Variants in CCDC160 observed in about 807,000 individuals in gnomAD.
The protein encoded by CCDC160 is coiled-coil domain-containing protein 160.
For synonymous variants in CCDC160, 94 were observed against 79.4 expected, an observed-to-expected ratio of 1.18 and a Z score of -0.98; for missense variants, 227 against 215.6, an observed-to-expected ratio of 1.05 and a Z score of -0.33.
chrX:134,237,871 A>G (rs2077014970), intron 1 of CCDC160, among the ~76,000 whole-genome samples: 1 of 111,571 alleles, frequency 9.0e-6, no homozygotes, highest in African/African-American at 3.3e-5. Flanking sequence ...AGAACTGGGG[A>G]GTAATAAGCA....
chrX:134,242,260 G>A (rs1375450789), intron 1 of CCDC160, among the ~76,000 whole-genome samples: 1 of 111,346 alleles, frequency 9.0e-6, no homozygotes, highest in African/African-American at 3.3e-5. Flanking sequence ...CTCTTCTTTT[G>A]TGGCCTTTTA....
chrX:134,246,093 A>G (rs1207030209), downstream of CCDC160: 1 of 144,908 alleles, frequency 6.9e-6, no homozygotes. Flanking sequence ...ATTTATGAAT[A>G]CAAATCAGCA....
At chrX:134,245,064 G>T (rs866157840) in exon 2 of CCDC160, 1 of 1,182,921 alleles carries the variant, frequency 8.5e-7, no homozygotes, top group South Asian at 1.9e-5. Flanking sequence ...ACATTTCAAA[G>T]AATGAAACAG....
At chrX:134,242,412 GC>G (rs1475792034) in intron 1 of CCDC160, among the ~76,000 whole-genome samples, 1 of 111,303 alleles carries the variant, frequency 9.0e-6, no homozygotes, top group Non-Finnish European at 1.9e-5. Flanking sequence ...GGGCTGTGTG[GC>G]CTTGGTCAAG....
rs749215004 is a variant in CCDC160, at chrX:134,242,563, A to ATGTG, written c.-24-2214_-24-2213insTGTG. Among the ~76,000 whole-genome samples, 255 of 104,839 alleles carry ATGTG rather than the reference A, an allele frequency of 2.4e-3. 1 individual carries two copies. Among genetic ancestry groups the ATGTG allele is most frequent in the African/African-American group, 8.3e-3 (240 of 28,973 alleles). The allele number at this position is 104,839 out of a possible 115,157, so 91.0% of individuals were successfully genotyped here. A position where few individuals can be genotyped will look rare whatever the true frequency, so the allele number is the denominator to read the frequency against. ...GGGAAGAGAGACAGTGAAAATTAAA[A>ATGTG]AGTGTGTGTGTGTGTGTGTGTGTGC... On this transcript the variant is annotated intron_variant, in intron 1 of 1. Coordinates refer to ENST00000370809, the Ensembl canonical transcript of CCDC160.
At chrX:134,241,548 G>A (rs1164731828) in intron 1 of CCDC160, among the ~76,000 whole-genome samples, 2 of 112,257 alleles carry the variant, frequency 1.8e-5, no homozygotes, top group Non-Finnish European at 3.8e-5. Flanking sequence ...TAGTCATATT[G>A]TAGACACATA....
chrX:134,246,519 C>T (rs764112007), downstream of CCDC160, among the ~76,000 whole-genome samples: 8 of 111,413 alleles, frequency 7.2e-5, no homozygotes, highest in Admixed American at 5.7e-4. Flanking sequence ...TTCCAAAACT[C>T]GACCAGGGGA....
chrX:134,242,747 T>G (rs139467904), intron 1 of CCDC160, among the ~76,000 whole-genome samples: 1,583 of 111,064 alleles, frequency 0.014, 13 homozygotes, highest in Middle Eastern at 0.037. Flanking sequence ...TCTTGCTATC[T>G]CCAGATATAA....
chrX:134,243,308 T>C (rs192504359), intron 1 of CCDC160: 3 of 725,621 alleles, frequency 4.1e-6, no homozygotes, highest in Non-Finnish European at 4.9e-6. Flanking sequence ...ATGTACCTTC[T>C]CCTTTCCTCA....
intron 1 of CCDC160, among the ~76,000 whole-genome samples, chrX:134,239,899 A>G (rs2077021876): frequency 8.9e-6 from 1 of 112,093 alleles, no homozygotes; most frequent in Admixed American, 9.5e-5. Flanking sequence ...TGACTCCTTC[A>G]GTCTTTTTTC....
chrX:134,239,034 A>C (rs974575515), intron 1 of CCDC160, among the ~76,000 whole-genome samples, 194 bp downstream of exon 2: 8 of 112,245 alleles, frequency 7.1e-5, no homozygotes, highest in Admixed American at 4.7e-4. Flanking sequence ...GAAAAATAAA[A>C]GTGCTTTCTC....
chrX:134,245,673 A>G, exon 2 of CCDC160: 1 of 1,206,618 alleles, frequency 8.3e-7, no homozygotes, highest in South Asian at 1.8e-5. Flanking sequence ...AGAAGACCCT[A>G]CAAGCAAGAA....
At chrX:134,243,794 C>G (rs1214792462) in intron 1 of CCDC160, among the ~76,000 whole-genome samples, 1 of 111,584 alleles carries the variant, frequency 9.0e-6, no homozygotes, top group East Asian at 2.8e-4. Context: ...TCCTTCTTCT[C>G]CTCACCCTTT....
intron 1 of CCDC160, among the ~76,000 whole-genome samples, chrX:134,241,630 G>A (rs1023750267): frequency 8.9e-6 from 1 of 112,291 alleles, no homozygotes; most frequent in African/African-American, 3.2e-5. Flanking sequence ...CTATGACTTT[G>A]TATTGTTTTC....
chrX:134,242,516 C>G (rs1004089597), intron 1 of CCDC160, among the ~76,000 whole-genome samples: 9 of 109,364 alleles, frequency 8.2e-5, no homozygotes, highest in African/African-American at 3.0e-4. Context: ...TTTCAGACAC[C>G]AGGAAATTAT....
intron 1 of CCDC160, among the ~76,000 whole-genome samples, chrX:134,240,257 T>C (rs1235425967): frequency 8.9e-6 from 1 of 112,496 alleles, no homozygotes; most frequent in Non-Finnish European, 1.9e-5. Context: ...AGTGATTTCC[T>C]TTGTAACAGA....
exon 2 of CCDC160, chrX:134,245,045 A>G: frequency 8.5e-7 from 1 of 1,180,904 alleles, no homozygotes; most frequent in Non-Finnish European, 1.1e-6. Flanking sequence ...TTAAGAGAGA[A>G]CAAGAGAAAC....
At chrX:134,244,748 C>T in intron 1 of CCDC160, 29 bp from the exon 3 acceptor site, 1 of 1,108,545 alleles carries the variant, frequency 9.0e-7, no homozygotes, top group Admixed American at 3.7e-5. Context: ...AATAATGTGC[C>T]TGCCTTGGTT....
chrX:134,240,268 T>C (rs1406115659), intron 1 of CCDC160, among the ~76,000 whole-genome samples: 1 of 112,426 alleles, frequency 8.9e-6, no homozygotes, highest in East Asian at 2.8e-4. Flanking sequence ...TTGTAACAGA[T>C]TTTTTTCCTA....
Sources: allele counts gnomAD v4.1 joint callset (sites outside exome capture counted in the v4.1 genomes callset), GRCh38; gene constraint gnomAD v4.1.1; transcripts MANE v1.5; gene names NCBI Gene and HGNC (gene_info 2026-07-23, HGNC 2026-07-21).